The following MKLN1 variants were observed in gnomAD, a reference collection of about 807,000 sequenced individuals.
MKLN1 encodes the protein muskelin 1, also known as muskelin.
Under a neutral mutation model 99.0 loss-of-function variants are expected in MKLN1, and 18 were observed. That is an observed-to-expected ratio of 0.18 (90% CI 0.13 to 0.27). The LOEUF is 0.27. Among genes scored for constraint, MKLN1 ranks in the 10% least tolerant of loss-of-function variants. The probability of loss-of-function intolerance (pLI) is 1.00; values close to 1 mark genes in which losing one functional copy is unlikely to be tolerated. For missense variants in MKLN1, 621 were observed against 875.9 expected, an observed-to-expected ratio of 0.71 and a Z score of 3.67; for synonymous variants, 288 against 293.2, an observed-to-expected ratio of 0.98 and a Z score of 0.18.
In MKLN1 at chr7:131,411,340, A is replaced by C; in HGVS notation, c.738A>C (p.Glu246Asp). ...TCAATCAGTATATCAGTCAACAGGA[A>C]TATAAGCCACGATGGAGTCAAATCA... ...GLFNQYISQQ[E>D]YKPRWSQIIP... Residue 246 changes from glutamate to aspartate, a missense_variant, in exon 7 of 18, where the codon GAA becomes GAC. By Grantham distance (45) the Glu-to-Asp change is conservative. This residue lies in a region of MKLN1 where 361 missense variants were observed against 540.8 expected (regional missense o/e 0.67). Coordinates refer to ENST00000352689, the MANE Select transcript of MKLN1 (RefSeq NM_013255.5). The C allele has an allele frequency of 6.2e-7, 1 of 1,612,174 alleles. No individual in the cohort carries two copies. The highest frequency in any genetic ancestry group is 1.1e-5 in the South Asian group (1 of 91,028).
intron 1 of MKLN1, among the ~76,000 whole-genome samples, chr7:131,371,770 A>ATG (rs1793471468): frequency 6.6e-6 from 1 of 150,996 alleles, no homozygotes; most frequent in Non-Finnish European, 1.5e-5. Flanking sequence ...TATAACATAT[A>ATG]TATATATATA....
chr7:131,335,137 T>C (rs777799510), intron 1 of MKLN1, among the ~76,000 whole-genome samples: 2 of 152,174 alleles, frequency 1.3e-5, no homozygotes, highest in Admixed American at 1.3e-4. Context: ...TGGGGGACTT[T>C]TGAAGAAAAT....
At position 131,443,423 on chromosome 7, in the gene MKLN1, T is replaced by G. The variant is rs559885051; in HGVS notation, c.1174-58T>G. 3.1e-5 allele frequency: 41 copies of G among 1,310,710 alleles called. No individual in the cohort carries two copies. In the African/African-American group the frequency reaches 4.1e-4, roughly 13 times the overall value. The allele number at this position is 1,310,710 out of a possible 1,614,324, so 81.2% of individuals were successfully genotyped here. Reference sequence around the variant, plus strand: ...TAAAACTGTACATGTTGGTTTTGTTTTAGCACATATGACAGGAACAAACTA... The same window carrying G: ...TAAAACTGTACATGTTGGTTTTGTTGTAGCACATATGACAGGAACAAACTA... On this transcript the variant is annotated intron_variant, in intron 10 of 17. Transcript: ENST00000352689.
chr7:131,437,489 C>T (rs955667911), intron 9 of MKLN1, among the ~76,000 whole-genome samples: 4 of 152,060 alleles, frequency 2.6e-5, no homozygotes, highest in Non-Finnish European at 4.4e-5. Context: ...TGGTAGAAAC[C>T]GTATAGATGT....
intron 2 of MKLN1, chr7:131,142,970 T>G (rs1795759038): frequency 7.7e-7 from 1 of 1,298,264 alleles, no homozygotes; most frequent in Admixed American, 2.3e-5. Context: ...GTTTTTTCTT[T>G]CTTTAGTTGT....
intron 12 of MKLN1, among the ~76,000 whole-genome samples, chr7:131,447,793 CAG>C (rs929079027): frequency 6.6e-6 from 1 of 152,088 alleles, no homozygotes; most frequent in African/African-American, 2.4e-5. Flanking sequence ...TACCATATAC[CAG>C]AATATCTTTA....
intron 2 of MKLN1, among the ~76,000 whole-genome samples, chr7:131,169,073 C>T (rs1294799705): frequency 1.3e-5 from 2 of 152,140 alleles, no homozygotes; most frequent in Non-Finnish European, 2.9e-5. Context: ...ACCCTATTGG[C>T]CAGGCTGGTC....
At chr7:131,282,666 T>C (rs1337601343) in intron 3 of MKLN1, among the ~76,000 whole-genome samples, 1 of 152,146 alleles carries the variant, frequency 6.6e-6, no homozygotes, top group East Asian at 1.9e-4. Context: ...TCTTATTTCC[T>C]TTTCTCCCTT....
intron 2 of MKLN1, among the ~76,000 whole-genome samples, chr7:131,143,536 G>A (rs1415425206): frequency 1.3e-5 from 2 of 151,658 alleles, no homozygotes; most frequent in Admixed American, 1.3e-4. Context: ...AGAGAAAAGT[G>A]GATTTTTGGC....
chr7:131,359,389 T>G (rs1400661803), intron 1 of MKLN1, among the ~76,000 whole-genome samples: 1 of 152,214 alleles, frequency 6.6e-6, no homozygotes, highest in African/African-American at 2.4e-5. Flanking sequence ...TCAACTCTTT[T>G]ACATTACTAA....
At chr7:131,305,883 C>T (rs186505862) in intron 3 of MKLN1, among the ~76,000 whole-genome samples, 2 of 152,196 alleles carry the variant, frequency 1.3e-5, no homozygotes, top group East Asian at 3.9e-4. Flanking sequence ...AATATGGAGA[C>T]GCATACTGAA....
intron 2 of MKLN1, among the ~76,000 whole-genome samples, chr7:131,201,739 A>G (rs911775353): frequency 6.6e-6 from 1 of 152,218 alleles, no homozygotes; most frequent in African/African-American, 2.4e-5. Context: ...TATGACTACT[A>G]GGAGTGCCTT....
chr7:131,156,539 G>A (rs1202999142), intron 2 of MKLN1, among the ~76,000 whole-genome samples: 1 of 150,974 alleles, frequency 6.6e-6, no homozygotes, highest in Non-Finnish European at 1.5e-5. Flanking sequence ...CTGGGCTAGC[G>A]ATGTGCAGAT....
At chr7:131,201,961 T>G (rs1010701799) in intron 2 of MKLN1, among the ~76,000 whole-genome samples, 1 of 152,144 alleles carries the variant, frequency 6.6e-6, no homozygotes, top group East Asian at 1.9e-4. Flanking sequence ...CTAAATGTAC[T>G]TATGTATTCA....
At chr7:131,372,346 G>T (rs1422300834) in intron 1 of MKLN1, among the ~76,000 whole-genome samples, 1 of 151,652 alleles carries the variant, frequency 6.6e-6, no homozygotes, top group African/African-American at 2.4e-5. Context: ...CTTTTTTTGT[G>T]ATATGAAAGG....
chr7:131,145,023 G>A (rs1189187730), intron 2 of MKLN1, among the ~76,000 whole-genome samples: 1 of 151,982 alleles, frequency 6.6e-6, no homozygotes. Context: ...CAACAACAAA[G>A]AGGCTGATGC....
chr7:131,351,515 C>CA (rs1277347812), intron 1 of MKLN1, among the ~76,000 whole-genome samples: 1 of 152,046 alleles, frequency 6.6e-6, no homozygotes, highest in Admixed American at 6.5e-5. Context: ...GGCTGGAGTG[C>CA]AGTGGCACAA....
intron 2 of MKLN1, among the ~76,000 whole-genome samples, chr7:131,188,974 GT>G (rs932269310): frequency 3.8e-4 from 58 of 152,302 alleles, no homozygotes; most frequent in African/African-American, 1.4e-3. Context: ...GTGGAAAGAA[GT>G]CTGTTGGAAA....
At chr7:131,115,948 G>A (rs528668952) in intron 1 of MKLN1, among the ~76,000 whole-genome samples, 8 of 151,872 alleles carry the variant, frequency 5.3e-5, no homozygotes, top group Admixed American at 2.6e-4. Flanking sequence ...TATCACATAC[G>A]GTTGAAAACT....
Sources: allele counts gnomAD v4.1 joint callset (sites outside exome capture counted in the v4.1 genomes callset), GRCh38; gene constraint gnomAD v4.1.1; regional missense constraint gnomAD v4.1.1; transcripts MANE v1.5; gene names NCBI Gene and HGNC (gene_info 2026-07-23, HGNC 2026-07-21).